EPS15L1: variants seen among roughly 807,000 people sequenced by gnomAD.
EPS15L1 encodes epidermal growth factor receptor substrate 15-like 1.
In EPS15L1, 43 loss-of-function variants were observed where a neutral mutation model predicts 117.1. The observed-to-expected ratio is 0.37, with a 90% CI of 0.29 to 0.47. The LOEUF (loss-of-function observed/expected upper bound fraction) is 0.47. EPS15L1 is among the 20% of genes least tolerant of loss of function. The pLI is 0.99. For synonymous variants in EPS15L1, 459 were observed against 470.5 expected (o/e 0.98, Z 0.32); for missense variants, 981 against 1,164.0 (o/e 0.84, Z 2.29).
intron 16 of EPS15L1, among the ~76,000 whole-genome samples, chr19:16,400,360 A>C (rs10404237): frequency 0.27 from 39,866 of 150,072 alleles, 5,614 homozygotes; most frequent in Non-Finnish European, 0.3. Flanking sequence ...CAAAAACAAA[A>C]AAAAAAAAAA....
chr19:16,402,027 G>A, intron 16 of EPS15L1: 2 of 1,151,762 alleles, frequency 1.7e-6, no homozygotes, highest in Non-Finnish European at 2.1e-6. Flanking sequence ...CTCTGAACTT[G>A]GGTGGTTGGC....
intron 16 of EPS15L1, chr19:16,401,169 A>C (rs1033927342): frequency 1.0e-6 from 1 of 985,286 alleles, no homozygotes; most frequent in Non-Finnish European, 1.2e-6. Flanking sequence ...CCACGAGAAA[A>C]GAGAGTATGG....
chr19:16,369,862 C>T (rs1246521909), intron 22 of EPS15L1, among the ~76,000 whole-genome samples: 1 of 152,210 alleles, frequency 6.6e-6, no homozygotes, highest in East Asian at 1.9e-4. Flanking sequence ...TGCGTGAACA[C>T]CCCTGGGTGT....
chr19:16,374,824 GCA>G (rs1263585882), intron 22 of EPS15L1, among the ~76,000 whole-genome samples: 3 of 152,260 alleles, frequency 2.0e-5, no homozygotes, highest in East Asian at 1.9e-4. Context: ...ACGTATGTAA[GCA>G]CAGAGTGTGC....
In EPS15L1 at chr19:16,402,364, C is replaced by T; in HGVS notation, c.1748G>A (p.Ser583Asn). 1.2e-6 allele frequency: 2 copies of T among 1,613,964 alleles called. No homozygotes were observed. The highest frequency in any genetic ancestry group is 1.1e-5 in the South Asian group (1 of 91,068). ...GASLTDLANLSEGVSLAERGS... is the reference protein window; with the variant it reads ...GASLTDLANLNEGVSLAERGS... ...CCTCTCTGCCAGGGAGACGCCTTCG[C>T]TCAGGTTGGCCAGGTCGGTCAGGCT... The change falls in exon 16 of 24, where the codon AGC (serine) becomes AAC (asparagine). Residue 583 changes from serine (S) to asparagine (N), a missense_variant. This residue lies in a region of EPS15L1 where 819 missense variants were observed against 949.0 expected (regional missense o/e 0.86). Transcript: ENST00000455140.
rs2092207225 is a variant in EPS15L1 at position 16,370,491 on chromosome 19, G to A, written c.2380+6631C>T. 6.6e-6 allele frequency among the ~76,000 whole-genome samples: 1 copy of A among 152,020 alleles called. No homozygotes were observed. Among genetic ancestry groups the A allele is most frequent in the Admixed American group, 6.5e-5 (1 of 15,268 alleles). ...CTGTTCACACCTATACTCAGATGCT[G>A]GGGTGGGAGCCCAGCCACTCTAGGC... On this transcript the variant is annotated intron_variant, in intron 22 of 23. Transcript: ENST00000455140. This position sits in a 1 kb window ranked among gnomAD's most constrained non-coding sequence, Gnocchi z 5.2.
intron 22 of EPS15L1, among the ~76,000 whole-genome samples, chr19:16,368,866 T>C (rs117412491): frequency 0.015 from 2,321 of 152,286 alleles, 27 homozygotes; most frequent in Non-Finnish European, 0.02. Context: ...CAGATGCCCA[T>C]ACAACTGCCA....
intron 1 of EPS15L1, among the ~76,000 whole-genome samples, chr19:16,465,628 G>A (rs770484350): frequency 8.5e-5 from 13 of 152,158 alleles, no homozygotes; most frequent in Non-Finnish European, 1.8e-4. Flanking sequence ...GCTGCAATGA[G>A]CTTTGATTGC....
intron 1 of EPS15L1, among the ~76,000 whole-genome samples, chr19:16,443,289 T>C (rs2093050597): frequency 6.6e-6 from 1 of 152,214 alleles, no homozygotes; most frequent in Non-Finnish European, 1.5e-5. Flanking sequence ...ACTGCTGTTG[T>C]ACGATTTCTC....
chr19:16,453,743 G>A (rs1055239680), intron 1 of EPS15L1, among the ~76,000 whole-genome samples: 2 of 151,826 alleles, frequency 1.3e-5, no homozygotes, highest in Admixed American at 6.6e-5. Context: ...GACTTATCGG[G>A]TACTATGTTC....
chr19:16,355,560 G>T lies in EPS15L1; in HGVS notation c.*145C>A. 9.4e-7 allele frequency: 1 copy of T among 1,064,738 alleles called. No homozygotes were observed. The highest frequency in any genetic ancestry group is 1.3e-6 in the Non-Finnish European group (1 of 760,852). 66.0% of individuals were successfully genotyped at this position (1,064,738 alleles called of 1,614,324 possible). On this transcript the variant is annotated 3_prime_UTR_variant, in exon 24 of 24. Coordinates refer to ENST00000455140, the MANE Select transcript of EPS15L1 (RefSeq NM_001258374.3). ...AGATGTGACCTTTCCAGGTCTTGCA[G>T]CCGAGTCTGCTCACCCTGAACAAGC...
intron 1 of EPS15L1, among the ~76,000 whole-genome samples, chr19:16,464,944 T>C (rs921470848): frequency 6.6e-6 from 1 of 152,010 alleles, no homozygotes; most frequent in Non-Finnish European, 1.5e-5. Flanking sequence ...CCAGGTGTGG[T>C]GGCGGGTGCC....
chr19:16,374,834 T>G (rs2092273265), intron 22 of EPS15L1, among the ~76,000 whole-genome samples: 1 of 152,256 alleles, frequency 6.6e-6, no homozygotes, highest in Non-Finnish European at 1.5e-5. Flanking sequence ...GCACAGAGTG[T>G]GCATGCCCGG....
intron 18 of EPS15L1, among the ~76,000 whole-genome samples, chr19:16,393,485 T>C (rs914602253): frequency 2.0e-5 from 3 of 151,258 alleles, no homozygotes; most frequent in Non-Finnish European, 4.4e-5. Flanking sequence ...CCGTCTCTAC[T>C]AAAAATACAA....
intron 7 of EPS15L1, among the ~76,000 whole-genome samples, chr19:16,431,964 C>T (rs545172258): frequency 3.9e-5 from 6 of 152,300 alleles, no homozygotes; most frequent in South Asian, 4.1e-4. Context: ...ATACAGTAGT[C>T]GTGGGACGTG....
intron 19 of EPS15L1, among the ~76,000 whole-genome samples, chr19:16,388,028 C>A (rs2092438541): frequency 6.6e-6 from 1 of 152,124 alleles, no homozygotes; most frequent in Non-Finnish European, 1.5e-5. Context: ...GAACTGACAG[C>A]TGAAAGCTTA....
intron 19 of EPS15L1, among the ~76,000 whole-genome samples, chr19:16,391,727 G>A (rs1233540024): frequency 6.6e-6 from 1 of 151,990 alleles, no homozygotes; most frequent in East Asian, 1.9e-4. Flanking sequence ...CCGGGGATGG[G>A]AGTACAGGTA....
Position 16,370,905 on chromosome 19 carries a change from T to G in EPS15L1, c.2380+6217A>C, listed in dbSNP as rs558328830. Among the ~76,000 whole-genome samples, 10 of 152,266 alleles carry G rather than the reference T, an allele frequency of 6.6e-5. No individual in the cohort carries two copies. In the South Asian group the frequency reaches 1.7e-3, roughly 25 times the overall value. On this transcript the variant is annotated intron_variant, in intron 22 of 23. Coordinates refer to ENST00000455140, the MANE Select transcript of EPS15L1 (RefSeq NM_001258374.3). The surrounding 1 kb of genome is among the most constrained non-coding windows in gnomAD (Gnocchi z 5.2). ...GAGGGACTCCACCTGGTTGGCCGTTTTAGGCTCCTTGGGACCCCCTCCCCA... is the reference window on the plus strand; with the variant it reads ...GAGGGACTCCACCTGGTTGGCCGTTGTAGGCTCCTTGGGACCCCCTCCCCA...
chr19:16,405,643 G>A lies in EPS15L1; in HGVS notation c.1267-894C>T, dbSNP rs758850975. Among the ~76,000 whole-genome samples the A allele has an allele frequency of 1.1e-4, 17 of 152,226 alleles. No individual in the cohort carries two copies. The highest frequency in any genetic ancestry group is 2.1e-4 in the Non-Finnish European group (14 of 68,050). On this transcript the variant is annotated intron_variant, in intron 13 of 23. Coordinates refer to ENST00000455140, the MANE Select transcript of EPS15L1 (RefSeq NM_001258374.3). This position sits in a 1 kb window ranked among gnomAD's most constrained non-coding sequence, Gnocchi z 4.0. ...GTGGGACGCTCCTTGGCCATGGAAC[G>A]GGATGGCGCCGTGTGCTTTGCCTTA...
Sources: gnomAD v4.1 joint callset for allele counts (sites outside exome capture counted in the v4.1 genomes callset) on GRCh38, gnomAD v4.1.1 for gene constraint, gnomAD v4.1.1 regional missense constraint, Gnocchi (gnomAD v3.1) non-coding constraint, MANE v1.5 for transcripts, NCBI Gene and HGNC (gene_info 2026-07-23, HGNC 2026-07-21) for gene names.